The following C5orf24 variants were observed in gnomAD, a reference collection of about 807,000 sequenced individuals.
The protein encoded by C5orf24 is UPF0461 protein C5orf24.
A neutral mutation model predicts 9.8 loss-of-function variants in C5orf24; 4 were observed. The ratio of observed to expected loss-of-function variants is 0.41; its 90% CI spans 0.20 to 0.93. The LOEUF (loss-of-function observed/expected upper bound fraction) is 0.93. Among genes scored for constraint, C5orf24 ranks in the 40% least tolerant of loss-of-function variants. The pLI is 0.33. For synonymous variants in C5orf24, 73 were observed against 81.3 expected, an observed-to-expected ratio of 0.90 and a Z score of 0.55; for missense variants, 170 against 236.9, an observed-to-expected ratio of 0.72 and a Z score of 1.85.
At chr5:134,844,691 C>T (rs1266272932), upstream of C5orf24, among the ~76,000 whole-genome samples, 1 of 152,038 alleles carries the variant, frequency 6.6e-6, no homozygotes, top group East Asian at 1.9e-4. Flanking sequence ...TCCTAGCTTC[C>T]CAACCAGGGA....
At chr5:134,836,753 A>G in the C5orf24 span, among the ~76,000 whole-genome samples, 1 of 151,554 alleles carries the variant, frequency 6.6e-6, no homozygotes, top group Non-Finnish European at 1.5e-5. Flanking sequence ...CATATTGGTC[A>G]GGCTGGTCTC....
rs1388464105 is a variant in C5orf24 at position 134,855,207 on chromosome 5, C to T, written c.307C>T (p.Arg103Trp). The T allele has an allele frequency of 2.5e-6, 4 of 1,613,964 alleles. No individual in the cohort carries two copies. The highest frequency in any genetic ancestry group is 3.4e-6 in the Non-Finnish European group (4 of 1,180,028). The change falls in exon 2 of 2, where the codon CGG (arginine) becomes TGG (tryptophan). Residue 103 changes from arginine to tryptophan, a missense_variant. Physicochemically the swap from Arg to Trp is moderately radical, Grantham distance 101 (BLOSUM62 -3). Around this residue, in one of 3 missense-constraint regions of C5orf24, gnomAD observed 21 missense variants for 72.2 expected, o/e 0.29. Transcript: ENST00000394976. ...PSGTTKSAGY[R>W]TSTGRPLGTT... is the part of the protein sequence containing the mutation. ...GGGAACCACCAAATCAGCAGGATAC[C>T]GGACCAGCACAGGCAGACCCCTGGG...
chr5:134,837,853 T>C, the C5orf24 span, among the ~76,000 whole-genome samples: 1 of 151,958 alleles, frequency 6.6e-6, no homozygotes, highest in Non-Finnish European at 1.5e-5. Context: ...TTTTTATTAT[T>C]GATATAAAGC....
intron 1 of C5orf24, among the ~76,000 whole-genome samples, chr5:134,853,160 G>A (rs531811998): frequency 6.6e-6 from 1 of 150,948 alleles, no homozygotes; most frequent in South Asian, 2.1e-4. Flanking sequence ...GCAAGACTCA[G>A]TCTCAAAAAA....
chr5:134,844,731 TTTG>T (rs146228668), upstream of C5orf24, among the ~76,000 whole-genome samples: 627 of 148,926 alleles, frequency 4.2e-3, 4 homozygotes, highest in African/African-American at 0.015. Context: ...TCCAGAGTTT[TTTG>T]TTGTTGTTGT....
chr5:134,853,237 T>C (rs1353827779), intron 1 of C5orf24, among the ~76,000 whole-genome samples: 1 of 151,912 alleles, frequency 6.6e-6, no homozygotes, highest in Non-Finnish European at 1.5e-5. Flanking sequence ...GGCACATGCC[T>C]GTAATCCCAG....
chr5:134,850,040 G>C (rs997507381), intron 1 of C5orf24, among the ~76,000 whole-genome samples: 1 of 152,160 alleles, frequency 6.6e-6, no homozygotes, highest in Admixed American at 6.5e-5. Flanking sequence ...TTTGCATGGA[G>C]TTGGCCCTCA....
rs1298597695 is a variant in C5orf24, at chr5:134,855,033, A to C, written c.133A>C (p.Thr45Pro). 3 of 1,614,134 alleles carry C rather than the reference A, an allele frequency of 1.9e-6. No individual in the cohort carries two copies. In the Admixed American group the frequency reaches 5.0e-5, roughly 27 times the overall value. ...YSSQQSKYSH[T>P]VNHKPMVCQR... The stretch of plus-strand genomic sequence containing the variant: ...CTCCCAGCAAAGCAAATACAGCCAC[A>C]CAGTCAACCACAAACCAATGGTTTG... The change falls in exon 2 of 2, where the codon ACA becomes CCA. Residue 45 changes from threonine (T) to proline (P), a missense_variant. By Grantham distance (38) the Thr-to-Pro change is conservative. This residue lies in a region of C5orf24 where 93 missense variants were observed against 104.5 expected (regional missense o/e 0.89). Transcript: ENST00000394976.
At chr5:134,848,358 C>T (rs1316635986) in intron 1 of C5orf24, among the ~76,000 whole-genome samples, 1 of 149,808 alleles carries the variant, frequency 6.7e-6, no homozygotes, top group Non-Finnish European at 1.5e-5. Context: ...TGCATACTTT[C>T]AATGAAAGGG....
At chr5:134,842,256 G>A (rs558554664), upstream of C5orf24, among the ~76,000 whole-genome samples, 15 of 152,228 alleles carry the variant, frequency 9.9e-5, no homozygotes, top group South Asian at 2.7e-3. Context: ...TTGGGAGGCC[G>A]AGGTGGGAGG....
intron 1 of C5orf24, among the ~76,000 whole-genome samples, chr5:134,851,677 A>G (rs535092380): frequency 1.3e-5 from 2 of 152,256 alleles, no homozygotes; most frequent in South Asian, 4.2e-4. Context: ...TGAATCATCA[A>G]AAGTCATATT....
At chr5:134,852,486 C>T (rs757499728) in intron 1 of C5orf24, among the ~76,000 whole-genome samples, 14 of 152,138 alleles carry the variant, frequency 9.2e-5, no homozygotes, top group Non-Finnish European at 1.9e-4. Context: ...TGCTCATTTC[C>T]TTTTGCCTTT....
At position 134,859,461 on chromosome 5, in the gene C5orf24, G is replaced by A. The variant is rs1756392562; in HGVS notation, c.*3994G>A. The stretch of plus-strand genomic sequence containing the variant: ...ATGCTATATAGTAAATCAAGTGTGT[G>A]ATTTAAAGTAATCAGATCACTTTGA... On this transcript the variant is annotated 3_prime_UTR_variant, in exon 2 of 2. Coordinates refer to ENST00000394976, the MANE Select transcript of C5orf24 (RefSeq NM_001135586.1). The A allele has an allele frequency of 6.0e-6, 1 of 166,900 alleles. No individual in the cohort carries two copies. Among genetic ancestry groups the A allele is most frequent in the Non-Finnish European group, 1.5e-5 (1 of 68,104 alleles). 10.3% of individuals were successfully genotyped at this position (166,900 alleles called of 1,614,324 possible). A position where few individuals can be genotyped will look rare whatever the true frequency, so the allele number is the denominator to read the frequency against.
upstream of C5orf24, among the ~76,000 whole-genome samples, chr5:134,842,215 C>T (rs929820456): frequency 3.9e-5 from 6 of 152,072 alleles, no homozygotes; most frequent in African/African-American, 2.4e-5. Context: ...GTTGGCTGCA[C>T]ACGGTGGCTC....
chr5:134,840,876 G>A (rs1028455930), upstream of C5orf24, among the ~76,000 whole-genome samples: 2 of 152,218 alleles, frequency 1.3e-5, no homozygotes, highest in Non-Finnish European at 2.9e-5. Context: ...GTTTTTATTG[G>A]AGCTAATTAT....
At position 134,854,922 on chromosome 5, in the gene C5orf24, A is replaced by T. The variant is rs752168056; in HGVS notation, c.22A>T (p.Ser8Cys). The T allele has an allele frequency of 6.2e-7, 1 of 1,614,152 alleles. No individual in the cohort carries two copies. The highest frequency in any genetic ancestry group is 1.1e-5 in the South Asian group (1 of 91,070). ...GAAAATGATGCATCCTGTTGCCAGC[A>T]GTAATCCAGCTTTCTGTGGGCCTGG... MMHPVAS[S>C]NPAFCGPGKP... The change falls in exon 2 of 2, where the codon AGT becomes TGT. Residue 8 changes from serine (S) to cysteine (C), a missense_variant. By Grantham distance (112) the Ser-to-Cys change is moderately radical (BLOSUM62 -1). Transcript: ENST00000394976.
chr5:134,857,464 G>A lies in C5orf24; in HGVS notation c.*1997G>A, dbSNP rs1174328131. ...GTGTTGCATTGTATGTGGGGACTAT[G>A]TGCACTGGCGTCTAAGACAGTGACC... On this transcript the variant is annotated 3_prime_UTR_variant, in exon 2 of 2. Transcript: ENST00000394976. The A allele has an allele frequency of 2.0e-6, 3 of 1,492,392 alleles. No individual in the cohort carries two copies. The highest frequency in any genetic ancestry group is 4.3e-5 in the Admixed American group (2 of 46,534). 92.4% of individuals were successfully genotyped at this position (1,492,392 alleles called of 1,614,324 possible).
chr5:134,835,899 A>G, the C5orf24 span, among the ~76,000 whole-genome samples: 1 of 151,252 alleles, frequency 6.6e-6, no homozygotes, highest in African/African-American at 2.4e-5. Context: ...GGGTCTCGCT[A>G]TGTTGCCCAG....
chr5:134,858,939 T>C lies in C5orf24; in HGVS notation c.*3472T>C, dbSNP rs1224467654. 2 of 166,952 alleles carry C rather than the reference T, an allele frequency of 1.2e-5. No homozygotes were observed. 10.3% of individuals were successfully genotyped at this position (166,952 alleles called of 1,614,324 possible). On this transcript the variant is annotated 3_prime_UTR_variant, in exon 2 of 2. Coordinates refer to ENST00000394976, the MANE Select transcript of C5orf24 (RefSeq NM_001135586.1). ...TAAAGAAACATCTGTCAAAGTAATA[T>C]TGATTCCAAACTGATGTTTGTGTGA...
Sources: gnomAD v4.1 joint callset for allele counts (sites outside exome capture counted in the v4.1 genomes callset) on GRCh38, gnomAD v4.1.1 for gene constraint, gnomAD v4.1.1 regional missense constraint, MANE v1.5 for transcripts, NCBI Gene and HGNC (gene_info 2026-07-23, HGNC 2026-07-21) for gene names.